Variants in FSTL5 observed in about 807,000 individuals in gnomAD.
FSTL5 encodes the protein follistatin-related protein 5.
In FSTL5, 62 loss-of-function variants were observed where a neutral mutation model predicts 89.1. The ratio of observed to expected loss-of-function variants is 0.70; its 90% CI spans 0.57 to 0.86. FSTL5 has a LOEUF of 0.86. Among genes scored for constraint, FSTL5 ranks in the 40% least tolerant of loss-of-function variants. The pLI is 0.00. For synonymous variants in FSTL5, 383 were observed against 346.2 expected, an observed-to-expected ratio of 1.11 and a Z score of -1.18; for missense variants, 1,057 against 1,001.6, an observed-to-expected ratio of 1.06 and a Z score of -0.75.
At chr4:161,559,512 G>T (rs1035195761) in intron 8 of FSTL5, among the ~76,000 whole-genome samples, 2 of 151,542 alleles carry the variant, frequency 1.3e-5, no homozygotes, top group Non-Finnish European at 2.9e-5. Flanking sequence ...TTTTTGAACA[G>T]ACAATGCATT....
intron 2 of FSTL5, among the ~76,000 whole-genome samples, chr4:162,062,614 A>G (rs998156998): frequency 6.6e-6 from 1 of 151,372 alleles, no homozygotes; most frequent in Non-Finnish European, 1.5e-5. Flanking sequence ...TAAGAATCCA[A>G]TTTGGATTGA....
intron 6 of FSTL5, among the ~76,000 whole-genome samples, chr4:161,738,377 A>T (rs1739892675): frequency 6.6e-6 from 1 of 152,082 alleles, no homozygotes; most frequent in South Asian, 2.1e-4. Context: ...ATTGTAAAAT[A>T]ATATCTCATC....
intron 13 of FSTL5, among the ~76,000 whole-genome samples, chr4:161,476,197 G>GTTT (rs757760575): frequency 9.3e-6 from 1 of 107,324 alleles, no homozygotes; most frequent in African/African-American, 3.8e-5. Context: ...TTGTTTGTTT[G>GTTT]TTTTTTTGAG....
Position 161,820,001 on chromosome 4 carries a change from T to A in FSTL5, c.410-43927A>T, listed in dbSNP as rs183872335. On this transcript the variant is annotated intron_variant, in intron 4 of 15. Coordinates refer to ENST00000306100, the MANE Select transcript of FSTL5 (RefSeq NM_020116.5). The stretch of plus-strand genomic sequence containing the variant: ...TCTAAAATATATTGAAGACTCTTTT[T>A]AGTTTCTTTAAACTTTTACTTTATT... 2.6e-4 allele frequency among the ~76,000 whole-genome samples: 39 copies of A among 152,278 alleles called. No homozygotes were observed. In the East Asian group the frequency reaches 7.3e-3, roughly 29 times the overall value.
At chr4:161,992,862 ATATATATATAT>A (rs533542367) in intron 3 of FSTL5, among the ~76,000 whole-genome samples, 4,878 of 37,958 alleles carry the variant, frequency 0.13, 497 homozygotes, top group Middle Eastern at 0.19. Flanking sequence ...AAAAAAAAAA[ATATATATATAT>A]ATATATATAT....
At chr4:162,017,416 A>G (rs917084742) in intron 3 of FSTL5, among the ~76,000 whole-genome samples, 1 of 152,220 alleles carries the variant, frequency 6.6e-6, no homozygotes, top group African/African-American at 2.4e-5. Flanking sequence ...CTATTACATC[A>G]TACTAAAATT....
At chr4:162,124,103 G>A (rs17041994) in intron 1 of FSTL5, among the ~76,000 whole-genome samples, 10,423 of 152,108 alleles carry the variant, frequency 0.069, 767 homozygotes, top group African/African-American at 0.18. Context: ...GTCTTTTGAA[G>A]TAAATGCTTT....
intron 6 of FSTL5, among the ~76,000 whole-genome samples, chr4:161,660,785 C>A (rs1026454856): frequency 1.3e-5 from 2 of 152,072 alleles, no homozygotes; most frequent in African/African-American, 4.8e-5. Flanking sequence ...CCATCCATGT[C>A]CTGGCAAAGA....
chr4:161,647,444 T>G (rs566834489), intron 7 of FSTL5, among the ~76,000 whole-genome samples: 1 of 152,268 alleles, frequency 6.6e-6, no homozygotes, highest in Admixed American at 6.5e-5. Flanking sequence ...TTGTTTCTTC[T>G]TTTGCAGTGT....
intron 4 of FSTL5, among the ~76,000 whole-genome samples, chr4:161,808,547 C>G (rs1465205510): frequency 6.6e-6 from 1 of 151,692 alleles, no homozygotes; most frequent in African/African-American, 2.4e-5. Context: ...CTGTGAAACT[C>G]TTAGAAGAAA....
intron 2 of FSTL5, among the ~76,000 whole-genome samples, chr4:162,033,938 A>G (rs571253410): frequency 1.3e-5 from 2 of 152,222 alleles, no homozygotes; most frequent in Non-Finnish European, 2.9e-5. Flanking sequence ...AGCTGGAACT[A>G]CAGGCACATA....
intron 3 of FSTL5, among the ~76,000 whole-genome samples, chr4:161,954,076 A>G (rs1403745019): frequency 1.3e-5 from 2 of 151,580 alleles, no homozygotes; most frequent in Non-Finnish European, 3.0e-5. Context: ...AAATATTGCA[A>G]TATACTACAA....
chr4:161,697,679 T>C (rs1456976379), intron 6 of FSTL5, among the ~76,000 whole-genome samples: 1 of 152,134 alleles, frequency 6.6e-6, no homozygotes, highest in Non-Finnish European at 1.5e-5. Flanking sequence ...ATAAAAAGAA[T>C]GAAATCCTGT....
intron 8 of FSTL5, among the ~76,000 whole-genome samples, chr4:161,571,527 A>G (rs1363647091): frequency 6.6e-6 from 1 of 152,184 alleles, no homozygotes; most frequent in Non-Finnish European, 1.5e-5. Context: ...AAAATAAAGA[A>G]TGGAACAATT....
chr4:161,414,895 G>A (rs1278007004), intron 15 of FSTL5, among the ~76,000 whole-genome samples: 2 of 152,140 alleles, frequency 1.3e-5, no homozygotes, highest in African/African-American at 4.8e-5. Context: ...CTTAGTTTGT[G>A]ACATATTGAA....
intron 1 of FSTL5, among the ~76,000 whole-genome samples, chr4:162,154,469 G>C (rs1308081609): frequency 1.3e-5 from 2 of 152,058 alleles, no homozygotes; most frequent in Non-Finnish European, 2.9e-5. Context: ...AAAATATCAT[G>C]TTCACTTTCT....
At chr4:161,980,022 A>G (rs1329875091) in intron 3 of FSTL5, among the ~76,000 whole-genome samples, 1 of 151,016 alleles carries the variant, frequency 6.6e-6, no homozygotes, top group Non-Finnish European at 1.5e-5. Context: ...CCAAAAAATT[A>G]AAAAAATAAA....
chr4:161,872,821 TTA>T (rs1487095748), intron 4 of FSTL5, among the ~76,000 whole-genome samples: 1 of 152,170 alleles, frequency 6.6e-6, no homozygotes, highest in East Asian at 1.9e-4. Context: ...ACTATAAGGA[TTA>T]TGTTTTTTAT....
intron 4 of FSTL5, among the ~76,000 whole-genome samples, chr4:161,873,874 C>A (rs755976380): frequency 5.3e-5 from 8 of 151,812 alleles, no homozygotes; most frequent in Non-Finnish European, 1.2e-4. Flanking sequence ...GGCTATAGTG[C>A]ATTCATTTTC....
Sources: gnomAD v4.1 joint callset for allele counts (sites outside exome capture counted in the v4.1 genomes callset) on GRCh38, gnomAD v4.1.1 for gene constraint, MANE v1.5 for transcripts, NCBI Gene and HGNC (gene_info 2026-07-23, HGNC 2026-07-21) for gene names.